The following STIM2 variants were observed in gnomAD, a reference collection of about 807,000 sequenced individuals.
The protein encoded by STIM2 is stromal interaction molecule 2.
Under a neutral mutation model 85.8 loss-of-function variants are expected in STIM2, and 31 were observed. The ratio of observed to expected loss-of-function variants is 0.36; its 90% CI spans 0.27 to 0.49. The LOEUF (loss-of-function observed/expected upper bound fraction) is 0.49, where lower values mean the gene tolerates loss of function less well. STIM2 is among the 20% of genes least tolerant of loss of function. The probability of loss-of-function intolerance (pLI) is 0.98; values close to 1 mark genes in which losing one functional copy is unlikely to be tolerated. For missense variants in STIM2, 841 were observed against 927.6 expected (o/e 0.91, Z 1.21); for synonymous variants, 356 against 331.1 (o/e 1.08, Z -0.82).
intron 3 of STIM2, among the ~76,000 whole-genome samples, chr4:26,978,281 T>A (rs1727271547): frequency 6.8e-6 from 1 of 148,024 alleles, no homozygotes; most frequent in Non-Finnish European, 1.5e-5. Context: ...ATATATATAT[T>A]TTCATATATA....
intron 4 of STIM2, among the ~76,000 whole-genome samples, chr4:26,996,207 A>G (rs1241694575): frequency 6.6e-6 from 1 of 152,072 alleles, no homozygotes; most frequent in Non-Finnish European, 1.5e-5. Flanking sequence ...TCTAAATTGT[A>G]TCATTTGCAA....
chr4:26,868,121 T>C (rs1722471367), intron 1 of STIM2, among the ~76,000 whole-genome samples: 1 of 152,226 alleles, frequency 6.6e-6, no homozygotes, highest in Non-Finnish European at 1.5e-5. Context: ...CTAGGAGCAG[T>C]TGCAGAATGT....
At chr4:26,948,559 C>T (rs572446946) in intron 2 of STIM2, among the ~76,000 whole-genome samples, 259 of 152,216 alleles carry the variant, frequency 1.7e-3, no homozygotes, top group African/African-American at 5.7e-3. Context: ...CCCAGGAGTT[C>T]GAGACCAGCC....
intron 1 of STIM2, among the ~76,000 whole-genome samples, chr4:26,885,654 T>G (rs929487145): frequency 6.6e-6 from 1 of 151,634 alleles, no homozygotes; most frequent in Non-Finnish European, 1.5e-5. Flanking sequence ...TCTGACTATT[T>G]TTTCAGGTTT....
Position 26,962,898 on chromosome 4 carries a change from T to A in STIM2, c.397+5172T>A, listed in dbSNP as rs546249597. On this transcript the variant is annotated intron_variant, in intron 3 of 11. Transcript: ENST00000467087. ...ACTCACTGGGTTAGTTATTATAACA[T>A]GTGACAACCATGAGGTAATCTTTCC... 3.9e-5 allele frequency among the ~76,000 whole-genome samples: 6 copies of A among 152,290 alleles called. No homozygotes were observed. The South Asian group carries it at 1.2e-3, about 32-fold the overall frequency.
At chr4:26,864,837 G>A (rs1320183279) in intron 1 of STIM2, among the ~76,000 whole-genome samples, 1 of 152,070 alleles carries the variant, frequency 6.6e-6, no homozygotes, top group Non-Finnish European at 1.5e-5. Context: ...GTGTTGTGGG[G>A]CTTTCATTAA....
intron 3 of STIM2, among the ~76,000 whole-genome samples, chr4:26,977,126 G>C (rs1380097366): frequency 2.6e-5 from 4 of 152,200 alleles, no homozygotes; most frequent in African/African-American, 7.2e-5. Context: ...AGTGGCGCTA[G>C]AGGGTGAGTC....
intron 1 of STIM2, among the ~76,000 whole-genome samples, chr4:26,909,986 G>C (rs1724271859): frequency 6.6e-6 from 1 of 152,150 alleles, no homozygotes; most frequent in Non-Finnish European, 1.5e-5. Flanking sequence ...TCTTTGGAGA[G>C]AAGTTGAAAA....
chr4:26,908,883 T>C (rs1414516137), intron 1 of STIM2, among the ~76,000 whole-genome samples: 1 of 152,232 alleles, frequency 6.6e-6, no homozygotes, highest in Non-Finnish European at 1.5e-5. Flanking sequence ...AGTCAAAAGA[T>C]TTAGAACAAA....
At position 26,860,841 on chromosome 4, in the gene STIM2, A is replaced by G. The variant is rs531458031; in HGVS notation, c.-378A>G. 48 of 657,868 alleles carry G rather than the reference A, an allele frequency of 7.3e-5. 1 individual carries two copies. The East Asian group carries it at 2.7e-3, about 37-fold the overall frequency. The allele number at this position is 657,868 out of a possible 1,614,324, so 40.8% of individuals were successfully genotyped here. A position where few individuals can be genotyped will look rare whatever the true frequency, so the allele number is the denominator to read the frequency against. ...GCTGGGGTTGGTGTTTGGCGGCGCC[A>G]GAGCAGCGGATCCCGGTCTCGCCGC... On this transcript the variant is annotated 5_prime_UTR_variant, in exon 1 of 12. Coordinates refer to ENST00000467087, the MANE Select transcript of STIM2 (RefSeq NM_020860.4).
intron 2 of STIM2, among the ~76,000 whole-genome samples, 200 bp from the exon 3 acceptor site, chr4:26,957,412 T>TGGC (rs1726287326): frequency 6.6e-6 from 1 of 152,146 alleles, no homozygotes; most frequent in Admixed American, 6.6e-5. Context: ...CTGGTGGTGG[T>TGGC]GGCGTTACGA....
intron 7 of STIM2, among the ~76,000 whole-genome samples, chr4:27,006,241 A>C (rs1002724176): frequency 6.6e-6 from 1 of 152,270 alleles, no homozygotes; most frequent in East Asian, 1.9e-4. Flanking sequence ...TAATTTTGGA[A>C]TCTTAAAATA....
intron 2 of STIM2, 31 bp downstream of exon 2, chr4:26,919,665 T>C (rs1161687233): frequency 6.2e-7 from 1 of 1,609,614 alleles, no homozygotes; most frequent in Admixed American, 1.7e-5. Flanking sequence ...CTTGCTATTG[T>C]CTTAGAACAG....
rs768569978 is a variant in STIM2 at position 26,995,382 on chromosome 4, A to T, written c.401A>T (p.His134Leu). 1 of 1,564,896 alleles carries T rather than the reference A, an allele frequency of 6.4e-7. No individual in the cohort carries two copies. ...ATTCCCCTTTTATCTCCTGCAGTTC[A>T]TAATTGGACCCTTGAAGACACTCTT... The change falls in exon 4 of 12, where the codon CAT becomes CTT. Residue 134 changes from histidine (H) to leucine (L), a missense_variant. Around this residue, in one of 3 missense-constraint regions of STIM2, gnomAD observed 408 missense variants for 525.4 expected, o/e 0.78. Transcript: ENST00000467087.
At chr4:26,880,697 A>AAATATATATATATGTG (rs1722984131) in intron 1 of STIM2, among the ~76,000 whole-genome samples, 1 of 147,286 alleles carries the variant, frequency 6.8e-6, no homozygotes, top group Non-Finnish European at 1.5e-5. Context: ...ATATATATGT[A>AAATATATATATATGTG]TATATATATC....
chr4:26,874,196 T>G, intron 1 of STIM2: 1 of 484,670 alleles, frequency 2.1e-6, no homozygotes. Flanking sequence ...GCAGCCTCCT[T>G]TGGAACTGTC....
chr4:26,916,106 C>T (rs1211336125), intron 1 of STIM2, among the ~76,000 whole-genome samples: 2 of 152,044 alleles, frequency 1.3e-5, no homozygotes, highest in African/African-American at 4.8e-5. Flanking sequence ...TAAGTATAGG[C>T]CAGCTAATTT....
chr4:26,873,496 G>T, intron 1 of STIM2: 1 of 342,250 alleles, frequency 2.9e-6, no homozygotes, highest in East Asian at 7.0e-5. Flanking sequence ...GGGGGGCTCT[G>T]GGTCCCTTGT....
At chr4:26,897,520 A>C (rs1007172151) in intron 1 of STIM2, among the ~76,000 whole-genome samples, 1 of 152,114 alleles carries the variant, frequency 6.6e-6, no homozygotes, top group East Asian at 1.9e-4. Flanking sequence ...TAGTGTAATA[A>C]ATTTCTATTA....
Sources: allele counts gnomAD v4.1 joint callset (sites outside exome capture counted in the v4.1 genomes callset), GRCh38; gene constraint gnomAD v4.1.1; regional missense constraint gnomAD v4.1.1; transcripts MANE v1.5; gene names NCBI Gene and HGNC (gene_info 2026-07-23, HGNC 2026-07-21).